Variants in ADARB2 observed in about 807,000 individuals in gnomAD.
ADARB2 encodes the protein inactive double-stranded RNA-specific editase B2.
ADARB2 carries 25 observed loss-of-function variants against 62.2 expected under a neutral mutation model. The observed-to-expected ratio is 0.40, with a 90% CI of 0.29 to 0.56. ADARB2 has a LOEUF of 0.56. Among genes scored for constraint, ADARB2 ranks in the 20% least tolerant of loss-of-function variants. The pLI is 0.43. For missense variants in ADARB2, 1,071 were observed against 1,077.4 expected (o/e 0.99, Z 0.08); for synonymous variants, 572 against 500.8 (o/e 1.14, Z -1.90).
At chr10:1,256,459 C>T (rs868646863) in intron 4 of ADARB2, among the ~76,000 whole-genome samples, 2 of 152,218 alleles carry the variant, frequency 1.3e-5, no homozygotes, top group Non-Finnish European at 2.9e-5. Flanking sequence ...CACTGTCTGG[C>T]ATGTGGGCCA....
At chr10:1,707,012 C>T (rs7082717) in intron 1 of ADARB2, among the ~76,000 whole-genome samples, 119,487 of 151,972 alleles carry the variant, frequency 0.79, 48,161 homozygotes, top group South Asian at 0.9. Context: ...TTCAGGTACC[C>T]GGTCCAGAGT....
intron 7 of ADARB2, 152 bp from the exon 8 acceptor site, chr10:1,200,299 C>G: frequency 2.1e-6 from 2 of 971,230 alleles, no homozygotes; most frequent in Non-Finnish European, 3.2e-6. Context: ...AGACCCAACC[C>G]AGCCATCACT....
At chr10:1,199,895 C>T (rs1484449296) in intron 8 of ADARB2, 71 bp downstream of exon 8, 1 of 1,412,324 alleles carries the variant, frequency 7.1e-7, no homozygotes, top group Admixed American at 2.8e-5. Context: ...AGGGATGGCA[C>T]CGCCGGGCAC....
intron 1 of ADARB2, among the ~76,000 whole-genome samples, chr10:1,427,597 G>A (rs1028804372): frequency 1.3e-5 from 2 of 152,352 alleles, no homozygotes; most frequent in South Asian, 4.1e-4. Context: ...AAGATGTAGG[G>A]AAACTGGATC....
Position 1,229,329 on chromosome 10 carries a change from G to A in ADARB2, c.1513+4365C>T, listed in dbSNP as rs572877642. On this transcript the variant is annotated intron_variant, in intron 6 of 9. Transcript: ENST00000381312. ...CTTGGAGCCCCTGAGCCTGGGCCTC[G>A]GGTGGCTGGGGCTTGGGGAATTCCT... 5.3e-5 allele frequency among the ~76,000 whole-genome samples: 8 copies of A among 152,242 alleles called. No individual in the cohort carries two copies. In the South Asian group the frequency reaches 1.2e-3, roughly 24 times the overall value.
chr10:1,651,306 C>T (rs966345087), intron 1 of ADARB2, among the ~76,000 whole-genome samples: 1 of 152,252 alleles, frequency 6.6e-6, no homozygotes, highest in Admixed American at 6.5e-5. Flanking sequence ...AGCCCTGGCT[C>T]GGCGAAGGCC....
chr10:1,197,117 T>C (rs1183197696), intron 8 of ADARB2, among the ~76,000 whole-genome samples: 12 of 152,256 alleles, frequency 7.9e-5, no homozygotes, highest in Admixed American at 7.2e-4. Flanking sequence ...AAAATAATAT[T>C]GCAAATCACT....
At chr10:1,670,168 A>G (rs1588346075) in intron 1 of ADARB2, among the ~76,000 whole-genome samples, 1 of 152,236 alleles carries the variant, frequency 6.6e-6, no homozygotes, top group Non-Finnish European at 1.5e-5. Flanking sequence ...TCCAGCCAAT[A>G]TCAAACCTTC....
chr10:1,536,648 C>A (rs1485924105), intron 1 of ADARB2, among the ~76,000 whole-genome samples: 1 of 152,194 alleles, frequency 6.6e-6, no homozygotes, highest in Non-Finnish European at 1.5e-5. Context: ...AGGACTCTGG[C>A]TCTAGACAGG....
rs531779618 is a variant in ADARB2 at position 1,479,044 on chromosome 10, G to C, written c.101-99884C>G. Among the ~76,000 whole-genome samples the C allele has an allele frequency of 7.2e-5, 11 of 152,314 alleles. No individual in the cohort carries two copies. In the South Asian group the frequency reaches 2.3e-3, roughly 32 times the overall value. On this transcript the variant is annotated intron_variant, in intron 1 of 9. Transcript: ENST00000381312. Reference sequence around the variant, plus strand: ...GTCTATGGCATAACAGCCAAGAGGGGAGTGGGGCTGCAGCTGTCTTGGGCA... The same window carrying C: ...GTCTATGGCATAACAGCCAAGAGGGCAGTGGGGCTGCAGCTGTCTTGGGCA...
At chr10:1,595,146 C>CGA (rs2132010852) in intron 1 of ADARB2, among the ~76,000 whole-genome samples, 2 of 152,254 alleles carry the variant, frequency 1.3e-5, no homozygotes, top group African/African-American at 4.8e-5. Context: ...ATAACATAGC[C>CGA]GAGGTTCCTC....
At chr10:1,661,259 C>T (rs185319573) in intron 1 of ADARB2, among the ~76,000 whole-genome samples, 20 of 152,276 alleles carry the variant, frequency 1.3e-4, no homozygotes, top group Admixed American at 3.3e-4. Context: ...CTGTCCCCGT[C>T]GTCACTTTCT....
intron 1 of ADARB2, among the ~76,000 whole-genome samples, chr10:1,382,973 T>C (rs2805510): frequency 1 from 151,686 of 152,342 alleles, 75,516 homozygotes; most frequent in Middle Eastern, 1. Context: ...CGCAGTGGCC[T>C]GGGGCCGGCC....
chr10:1,526,897 C>A, intron 1 of ADARB2: 1 of 476,246 alleles, frequency 2.1e-6, no homozygotes. Flanking sequence ...CAGTTCCCCA[C>A]AGGTGAGTCC....
chr10:1,619,166 A>C (rs1029517872), intron 1 of ADARB2, among the ~76,000 whole-genome samples: 1 of 152,330 alleles, frequency 6.6e-6, no homozygotes, highest in African/African-American at 2.4e-5. Flanking sequence ...TGCATTAAAT[A>C]TGAATGGTCT....
At chr10:1,223,864 G>A (rs558670948) in intron 6 of ADARB2, among the ~76,000 whole-genome samples, 1 of 152,224 alleles carries the variant, frequency 6.6e-6, no homozygotes, top group South Asian at 2.1e-4. Context: ...TGCTCATCAA[G>A]GATATTGGTC....
intron 1 of ADARB2, among the ~76,000 whole-genome samples, chr10:1,693,477 C>A (rs1311267956): frequency 6.6e-6 from 1 of 152,130 alleles, no homozygotes; most frequent in Admixed American, 6.5e-5. Flanking sequence ...AAATATAACT[C>A]AAAATAATAA....
At chr10:1,667,457 A>G (rs1456482424) in intron 1 of ADARB2, among the ~76,000 whole-genome samples, 1 of 152,236 alleles carries the variant, frequency 6.6e-6, no homozygotes, top group Non-Finnish European at 1.5e-5. Flanking sequence ...TTTGCTAATG[A>G]GAATATTTTA....
At chr10:1,412,702 C>T (rs1415806877) in intron 1 of ADARB2, among the ~76,000 whole-genome samples, 2 of 152,118 alleles carry the variant, frequency 1.3e-5, no homozygotes, top group South Asian at 4.2e-4. Flanking sequence ...CCAGGTGCAT[C>T]CCTGCTCAGA....
Sources: allele counts gnomAD v4.1 joint callset (sites outside exome capture counted in the v4.1 genomes callset), GRCh38; gene constraint gnomAD v4.1.1; transcripts MANE v1.5; gene names NCBI Gene and HGNC (gene_info 2026-07-23, HGNC 2026-07-21).